Variants in AGPAT5 observed in about 807,000 individuals in gnomAD.
The protein encoded by AGPAT5 is 1-acylglycerol-3-phosphate O-acyltransferase 5, also known as 1-acyl-sn-glycerol-3-phosphate acyltransferase epsilon.
Under a neutral mutation model 45.6 loss-of-function variants are expected in AGPAT5, and 46 were observed. The observed-to-expected ratio is 1.01, with a 90% CI of 0.80 to 1.29. The LOEUF (loss-of-function observed/expected upper bound fraction) is 1.29. AGPAT5 is among the 50% of genes most tolerant of loss of function. AGPAT5 has a pLI of 0.00. For missense variants in AGPAT5, 673 were observed against 450.7 expected, an observed-to-expected ratio of 1.49 and a Z score of -4.47; for synonymous variants, 272 against 167.0, an observed-to-expected ratio of 1.63 and a Z score of -4.85.
At chr8:6,753,369 G>A (rs575347274) in intron 6 of AGPAT5, among the ~76,000 whole-genome samples, 3 of 152,300 alleles carry the variant, frequency 2.0e-5, no homozygotes, top group East Asian at 3.9e-4. Flanking sequence ...ACTTAATTAT[G>A]GAAATGTTGA....
At chr8:6,744,045 C>G (rs1442615265) in intron 5 of AGPAT5, among the ~76,000 whole-genome samples, 1 of 151,862 alleles carries the variant, frequency 6.6e-6, no homozygotes, top group Non-Finnish European at 1.5e-5. Flanking sequence ...ATTTTTATGT[C>G]TCAAACATCA....
intron 4 of AGPAT5, among the ~76,000 whole-genome samples, chr8:6,734,910 C>A (rs1800993837): frequency 6.6e-6 from 1 of 152,158 alleles, no homozygotes; most frequent in Non-Finnish European, 1.5e-5. Flanking sequence ...AGCTTTTCCT[C>A]AGTGTCTATT....
At chr8:6,744,707 A>T (rs866005387) in intron 5 of AGPAT5, among the ~76,000 whole-genome samples, 1 of 151,516 alleles carries the variant, frequency 6.6e-6, no homozygotes, top group Non-Finnish European at 1.5e-5. Flanking sequence ...CCTCCTCCTC[A>T]CTCGCTCTAA....
At chr8:6,755,470 G>T (rs1047065899) in intron 7 of AGPAT5, among the ~76,000 whole-genome samples, 2 of 152,164 alleles carry the variant, frequency 1.3e-5, no homozygotes, top group African/African-American at 4.8e-5. Flanking sequence ...AAACTTTCCA[G>T]TGTCAGATGC....
intron 2 of AGPAT5, among the ~76,000 whole-genome samples, chr8:6,729,449 AAC>A (rs1195733098): frequency 1.3e-5 from 2 of 151,778 alleles, no homozygotes; most frequent in African/African-American, 4.8e-5. Context: ...TTCACAGATT[AAC>A]AGTTTTCTTT....
chr8:6,733,241 G>A (rs970418567), intron 4 of AGPAT5, among the ~76,000 whole-genome samples: 7 of 152,194 alleles, frequency 4.6e-5, no homozygotes, highest in African/African-American at 9.7e-5. Flanking sequence ...TCACCGGGGC[G>A]ACTTGGGCTT....
At position 6,761,440 on chromosome 8, in the gene AGPAT5, T is replaced by A. The variant is rs1309910250; in HGVS notation, c.*4052T>A. ...GGTATTTTCAGAATAAAGTCTGACTTGTGTTTTTGAGATTATTGGTGCCTC... is the reference window on the plus strand; with the variant it reads ...GGTATTTTCAGAATAAAGTCTGACTAGTGTTTTTGAGATTATTGGTGCCTC... On this transcript the variant is annotated 3_prime_UTR_variant, in exon 8 of 8. Transcript: ENST00000285518. Among the ~76,000 whole-genome samples the A allele has an allele frequency of 2.6e-5, 4 of 152,224 alleles. No homozygotes were observed. Among genetic ancestry groups the A allele is most frequent in the African/African-American group, 4.8e-5 (2 of 41,464 alleles).
At chr8:6,724,848 GT>G (rs755984092) in intron 1 of AGPAT5, 21 bp from the exon 2 acceptor site, 10 of 807,550 alleles carry the variant, frequency 1.2e-5, no homozygotes, top group South Asian at 3.7e-5. Context: ...TCAAAGTAAT[GT>G]TTTTTTGTTT....
At chr8:6,754,988 T>C (rs1426923762) in intron 6 of AGPAT5, 63 bp from the exon 7 acceptor site, 8 of 1,345,354 alleles carry the variant, frequency 5.9e-6, no homozygotes, top group Middle Eastern at 2.1e-4. Context: ...TTTTCATTTT[T>C]ACTTTATATG....
chr8:6,716,678 A>G (rs1163651475), intron 1 of AGPAT5, among the ~76,000 whole-genome samples: 1 of 152,068 alleles, frequency 6.6e-6, no homozygotes, highest in Non-Finnish European at 1.5e-5. Flanking sequence ...TACTAAAAAT[A>G]CAAAATTAGC....
chr8:6,729,916 G>A (rs1800806933), intron 2 of AGPAT5, among the ~76,000 whole-genome samples: 1 of 152,158 alleles, frequency 6.6e-6, no homozygotes, highest in South Asian at 2.1e-4. Flanking sequence ...CAGCATCATT[G>A]TAAGGCATGT....
intron 4 of AGPAT5, among the ~76,000 whole-genome samples, chr8:6,733,217 A>G (rs1800930666): frequency 6.6e-6 from 1 of 152,184 alleles, no homozygotes; most frequent in Admixed American, 6.5e-5. Context: ...CCCTCCGGAG[A>G]CAAAGCACCA....
intron 6 of AGPAT5, among the ~76,000 whole-genome samples, chr8:6,753,319 A>G (rs1563308317): frequency 6.6e-6 from 1 of 152,164 alleles, no homozygotes; most frequent in Non-Finnish European, 1.5e-5. Context: ...GTATGCCAGC[A>G]CTTGAAATAC....
At position 6,758,900 on chromosome 8, in the gene AGPAT5, T is replaced by A. The variant is rs1801935014; in HGVS notation, c.*1512T>A. 1 of 152,782 alleles carries A rather than the reference T, an allele frequency of 6.5e-6. No individual in the cohort carries two copies. The highest frequency in any genetic ancestry group is 2.4e-5 in the African/African-American group (1 of 41,582). The allele number at this position is 152,782 out of a possible 1,614,324, so 9.5% of individuals were successfully genotyped here. A position where few individuals can be genotyped will look rare whatever the true frequency, so the allele number is the denominator to read the frequency against. ...AGTGGCCCACATTAAACATACCAGT[T>A]GGATCATGATAAGCAAAATGAAAGA... On this transcript the variant is annotated 3_prime_UTR_variant, in exon 8 of 8. Coordinates refer to ENST00000285518, the MANE Select transcript of AGPAT5 (RefSeq NM_018361.5).
At chr8:6,746,973 AAGAACCTTTTAAAAATATGTC>A (rs888290779) in intron 5 of AGPAT5, among the ~76,000 whole-genome samples, 2 of 152,218 alleles carry the variant, frequency 1.3e-5, no homozygotes, top group Non-Finnish European at 2.9e-5. Context: ...CCCCCAGCTA[AAGAACCTTTTAAAAATATGTC>A]AGATATACCC....
At chr8:6,750,994 G>A (rs570111811) in intron 6 of AGPAT5, among the ~76,000 whole-genome samples, 1 of 151,966 alleles carries the variant, frequency 6.6e-6, no homozygotes, top group South Asian at 2.1e-4. Flanking sequence ...TCCTTCTAGT[G>A]TGTTGCTTTT....
chr8:6,710,389 G>T (rs544308448), intron 1 of AGPAT5, among the ~76,000 whole-genome samples: 10 of 152,276 alleles, frequency 6.6e-5, no homozygotes, highest in African/African-American at 2.4e-4. Context: ...ATCAAAGGAA[G>T]TGGCATCCAG....
At chr8:6,747,160 A>T (rs577590931) in intron 5 of AGPAT5, among the ~76,000 whole-genome samples, 1 of 152,354 alleles carries the variant, frequency 6.6e-6, no homozygotes, top group South Asian at 2.1e-4. Flanking sequence ...ACAAAATGTG[A>T]TCTGTTCACA....
At chr8:6,717,018 C>G (rs959249467) in intron 1 of AGPAT5, among the ~76,000 whole-genome samples, 1 of 152,152 alleles carries the variant, frequency 6.6e-6, no homozygotes, top group African/African-American at 2.4e-5. Context: ...CCGATTCATT[C>G]TTTCCTTAAA....
Sources: allele counts gnomAD v4.1 joint callset (sites outside exome capture counted in the v4.1 genomes callset), GRCh38; gene constraint gnomAD v4.1.1; transcripts MANE v1.5; gene names NCBI Gene and HGNC (gene_info 2026-07-23, HGNC 2026-07-21).